Variants in LINGO2 observed in about 807,000 individuals in gnomAD.
LINGO2 encodes leucine rich repeat and Ig domain containing 2, also known as leucine-rich repeat and immunoglobulin-like domain-containing nogo receptor-interacting protein 2.
In LINGO2, 14 loss-of-function variants were observed where a neutral mutation model predicts 30.6. That is an observed-to-expected ratio of 0.46 (90% CI 0.30 to 0.72). The LOEUF is 0.72. Among genes scored for constraint, LINGO2 ranks in the 30% least tolerant of loss-of-function variants. The pLI, the probability that LINGO2 is intolerant of heterozygous loss-of-function variation, is 0.07. For missense variants in LINGO2, 729 were observed against 751.7 expected, an observed-to-expected ratio of 0.97 and a Z score of 0.35; for synonymous variants, 317 against 288.5, an observed-to-expected ratio of 1.10 and a Z score of -1.00.
chr9:28,642,993 A>G (rs79674743), intron 1 of LINGO2, among the ~76,000 whole-genome samples: 1,907 of 152,226 alleles, frequency 0.013, 41 homozygotes, highest in African/African-American at 0.043. Flanking sequence ...AAAGTGAAAT[A>G]GCTCAATAAT....
Position 28,307,822 on chromosome 9 carries a change from T to C in LINGO2, c.-245-12456A>G, listed in dbSNP as rs897027076. On this transcript the variant is annotated intron_variant, in intron 3 of 5. Transcript: ENST00000379992. The stretch of plus-strand genomic sequence containing the variant: ...GAGAGCCAAATCATGAGTGAACTCC[T>C]ATTCACAATTGCTTCAAAGAGAATA... Among the ~76,000 whole-genome samples, 55 of 152,176 alleles carry C rather than the reference T, an allele frequency of 3.6e-4. No homozygotes were observed. In the East Asian group the frequency reaches 6.0e-3, roughly 17 times the overall value.
intron 4 of LINGO2, among the ~76,000 whole-genome samples, chr9:28,187,977 C>CA (rs1819603434): frequency 1.3e-5 from 2 of 152,322 alleles, no homozygotes; most frequent in South Asian, 4.1e-4. Context: ...CTCGTCACCT[C>CA]AGACATTTTC....
chr9:28,174,662 T>G (rs937757134), intron 4 of LINGO2, among the ~76,000 whole-genome samples: 1 of 152,218 alleles, frequency 6.6e-6, no homozygotes, highest in African/African-American at 2.4e-5. Flanking sequence ...CATTGTACCC[T>G]GTACTACCAT....
chr9:29,063,648 C>T, the LINGO2 span, among the ~76,000 whole-genome samples: 1 of 152,022 alleles, frequency 6.6e-6, no homozygotes, highest in Non-Finnish European at 1.5e-5. Context: ...AATCTGCCTG[C>T]CTCCACCTCT....
the LINGO2 span, among the ~76,000 whole-genome samples, chr9:28,775,830 C>T: frequency 1.3e-5 from 2 of 152,160 alleles, no homozygotes; most frequent in East Asian, 3.8e-4. Context: ...TGTTCGTTCA[C>T]TCTTTGTTTG....
At chr9:28,204,396 A>G (rs1322964775) in intron 4 of LINGO2, among the ~76,000 whole-genome samples, 1 of 152,210 alleles carries the variant, frequency 6.6e-6, no homozygotes, top group South Asian at 2.1e-4. Flanking sequence ...CTACTCACAC[A>G]CATTCTGATA....
chr9:28,524,856 T>A (rs1042343296), intron 1 of LINGO2, among the ~76,000 whole-genome samples: 1 of 152,072 alleles, frequency 6.6e-6, no homozygotes, highest in African/African-American at 2.4e-5. Flanking sequence ...AGCAAAGGGA[T>A]CTTTAAAAAT....
chr9:28,462,215 T>C (rs919462228), intron 2 of LINGO2, among the ~76,000 whole-genome samples: 8 of 152,084 alleles, frequency 5.3e-5, no homozygotes, highest in African/African-American at 1.9e-4. Flanking sequence ...AACAGTCATT[T>C]AGCTGCCATT....
chr9:28,914,458 G>T, the LINGO2 span, among the ~76,000 whole-genome samples: 4 of 152,040 alleles, frequency 2.6e-5, no homozygotes, highest in African/African-American at 9.7e-5. Flanking sequence ...ATTTTCTTAT[G>T]CAAATAAAAC....
the LINGO2 span, among the ~76,000 whole-genome samples, chr9:28,943,171 G>A: frequency 6.6e-6 from 1 of 152,202 alleles, no homozygotes; most frequent in Non-Finnish European, 1.5e-5. Flanking sequence ...CAGAATGCTA[G>A]TGTCATAGTC....
intron 4 of LINGO2, among the ~76,000 whole-genome samples, chr9:28,202,053 G>A (rs1262313404): frequency 6.6e-6 from 1 of 152,070 alleles, no homozygotes; most frequent in African/African-American, 2.4e-5. Context: ...TTAGCTTGTA[G>A]ACATCTGCCT....
At chr9:27,989,885 C>T (rs1821308975) in intron 5 of LINGO2, among the ~76,000 whole-genome samples, 1 of 151,916 alleles carries the variant, frequency 6.6e-6, no homozygotes, top group Non-Finnish European at 1.5e-5. Context: ...TTGCTCTTCC[C>T]CTAAAACTGT....
intron 2 of LINGO2, among the ~76,000 whole-genome samples, chr9:28,411,030 T>G (rs1405917492): frequency 6.6e-6 from 1 of 152,132 alleles, no homozygotes; most frequent in African/African-American, 2.4e-5. Flanking sequence ...TGCCTACCTC[T>G]GAAGGCTGCT....
At chr9:28,766,160 C>G in the LINGO2 span, among the ~76,000 whole-genome samples, 884 of 152,044 alleles carry the variant, frequency 5.8e-3, 18 homozygotes, top group African/African-American at 0.014. Context: ...ACAAGGCTGC[C>G]TACTATTTGG....
At chr9:28,326,708 C>G (rs763616697) in intron 3 of LINGO2, among the ~76,000 whole-genome samples, 1 of 152,114 alleles carries the variant, frequency 6.6e-6, no homozygotes, top group Non-Finnish European at 1.5e-5. Context: ...TTCAAATAAA[C>G]GACTGAATAA....
At chr9:28,312,118 T>G (rs1036501201) in intron 3 of LINGO2, among the ~76,000 whole-genome samples, 1 of 151,488 alleles carries the variant, frequency 6.6e-6, no homozygotes, top group Non-Finnish European at 1.5e-5. Flanking sequence ...CAAGTATCTA[T>G]GTTCTTTAGC....
chr9:28,257,364 TTCA>T (rs1316713153), intron 4 of LINGO2, among the ~76,000 whole-genome samples: 1 of 151,846 alleles, frequency 6.6e-6, no homozygotes, highest in Non-Finnish European at 1.5e-5. Flanking sequence ...TTTTAAATAA[TTCA>T]TCAAGACAGA....
chr9:28,797,223 T>C, the LINGO2 span, among the ~76,000 whole-genome samples: 2 of 150,850 alleles, frequency 1.3e-5, no homozygotes, highest in African/African-American at 4.9e-5. Context: ...CAGTTCTTTA[T>C]ACTGGCAATA....
At chr9:28,534,500 T>C (rs1051615655) in intron 1 of LINGO2, among the ~76,000 whole-genome samples, 1 of 152,206 alleles carries the variant, frequency 6.6e-6, no homozygotes, top group African/African-American at 2.4e-5. Flanking sequence ...TATCGTACTA[T>C]AGCAATTCTG....
Sources: allele counts gnomAD v4.1 joint callset (sites outside exome capture counted in the v4.1 genomes callset), GRCh38; gene constraint gnomAD v4.1.1; transcripts MANE v1.5; gene names NCBI Gene and HGNC (gene_info 2026-07-23, HGNC 2026-07-21).